Variants in TPTE observed in about 807,000 individuals in gnomAD.
TPTE encodes the protein transmembrane phosphatase with tensin homology, also known as putative tyrosine-protein phosphatase TPTE.
A neutral mutation model predicts 84.1 loss-of-function variants in TPTE; 59 were observed. The ratio of observed to expected loss-of-function variants is 0.70; its 90% CI spans 0.57 to 0.87. The LOEUF (loss-of-function observed/expected upper bound fraction) is 0.87. Ranked by LOEUF, TPTE falls within the 40% of genes least tolerant of loss-of-function variation. The probability of loss-of-function intolerance (pLI) is 0.00; values close to 1 mark genes in which losing one functional copy is unlikely to be tolerated. For missense variants in TPTE, 382 were observed against 659.6 expected, an observed-to-expected ratio of 0.58 and a Z score of 4.61; for synonymous variants, 130 against 223.5, an observed-to-expected ratio of 0.58 and a Z score of 3.73.
chr21:10,551,960 A>AGGTGAAGGAAG (rs2074583938), intron 7 of TPTE, among the ~76,000 whole-genome samples: 1 of 152,312 alleles, frequency 6.6e-6, no homozygotes, highest in Non-Finnish European at 1.5e-5. Flanking sequence ...TTCACCACTT[A>AGGTGAAGGAAG]ATCCTCACTT....
At chr21:10,546,826 G>T (rs1269681234) in intron 7 of TPTE, among the ~76,000 whole-genome samples, 1 of 152,312 alleles carries the variant, frequency 6.6e-6, no homozygotes, top group Non-Finnish European at 1.5e-5. Flanking sequence ...TAAAAGGTTT[G>T]TTCATGAGGT....
chr21:10,534,131 G>A (rs1387956289), intron 3 of TPTE, among the ~76,000 whole-genome samples: 4 of 152,310 alleles, frequency 2.6e-5, no homozygotes, highest in Non-Finnish European at 5.9e-5. Context: ...GCAGTTTGTT[G>A]CATAAGGACT....
At chr21:10,583,538 G>A (rs564331297) in intron 17 of TPTE, among the ~76,000 whole-genome samples, 46 of 152,314 alleles carry the variant, frequency 3.0e-4, no homozygotes, top group African/African-American at 1.1e-3. Context: ...TGCCTTTTCT[G>A]TCTCTCAGGA....
Position 10,599,189 on chromosome 21 carries a change from G to A in TPTE, c.1356+1095G>A, listed in dbSNP as rs371126543. Among the ~76,000 whole-genome samples the A allele has an allele frequency of 1.1e-3, 169 of 151,776 alleles. No homozygotes were observed. The East Asian group carries it at 0.034, about 30-fold the overall frequency. On this transcript the variant is annotated intron_variant, in intron 21 of 23. Coordinates refer to ENST00000618007, the MANE Select transcript of TPTE (RefSeq NM_199261.4). ...CATGCCTTGGGCTTTGATTCTCTTT[G>A]CCTCGGCCCCCTAAATCCAGTTAGT...
chr21:10,545,232 T>A (rs2074443883), intron 7 of TPTE, among the ~76,000 whole-genome samples: 1 of 147,876 alleles, frequency 6.8e-6, no homozygotes, highest in Non-Finnish European at 1.5e-5. Flanking sequence ...TATATTAAGA[T>A]TGGTAAAATT....
intron 10 of TPTE, among the ~76,000 whole-genome samples, chr21:10,565,256 A>G (rs557232777): frequency 2.1e-4 from 32 of 152,414 alleles, no homozygotes; most frequent in African/African-American, 5.0e-4. Flanking sequence ...CCTATATACA[A>G]TAGCCACAAA....
intron 17 of TPTE, among the ~76,000 whole-genome samples, chr21:10,582,722 G>T (rs548041108): frequency 6.6e-6 from 1 of 152,332 alleles, no homozygotes; most frequent in South Asian, 2.1e-4. Context: ...TTTTTATTGT[G>T]ATGAATTATG....
chr21:10,558,537 A>G (rs1359031182), intron 8 of TPTE, among the ~76,000 whole-genome samples: 1 of 152,238 alleles, frequency 6.6e-6, no homozygotes, highest in African/African-American at 2.4e-5. Context: ...TGTTGGCCAC[A>G]TGCATGTCTT....
chr21:10,561,870 C>T (rs1406858058), intron 10 of TPTE, among the ~76,000 whole-genome samples: 1 of 152,310 alleles, frequency 6.6e-6, no homozygotes, highest in Non-Finnish European at 1.5e-5. Flanking sequence ...ACTGTAGAGC[C>T]CCAGGGCCTT....
At chr21:10,552,029 G>C (rs1029816144) in intron 7 of TPTE, among the ~76,000 whole-genome samples, 1 of 152,302 alleles carries the variant, frequency 6.6e-6, no homozygotes, top group African/African-American at 2.4e-5. Context: ...TTAAGAAATT[G>C]TCTCAGCCAC....
At chr21:10,557,423 C>G (rs370998420) in intron 8 of TPTE, among the ~76,000 whole-genome samples, 396 of 152,282 alleles carry the variant, frequency 2.6e-3, no homozygotes, top group African/African-American at 9.0e-3. Context: ...GCCACCCAAG[C>G]CACTTCTTCA....
At chr21:10,545,916 CTG>C (rs2074458966) in intron 7 of TPTE, among the ~76,000 whole-genome samples, 2 of 151,838 alleles carry the variant, frequency 1.3e-5, no homozygotes, top group South Asian at 4.1e-4. Context: ...ATATGAGCAT[CTG>C]TGTATATATA....
chr21:10,594,345 T>C (rs1388087552), intron 19 of TPTE, among the ~76,000 whole-genome samples: 5 of 152,376 alleles, frequency 3.3e-5, no homozygotes, highest in Admixed American at 6.5e-5. Flanking sequence ...AGGGACTACG[T>C]CACTTTGCAT....
At chr21:10,539,454 G>A (rs112147410) in intron 4 of TPTE, among the ~76,000 whole-genome samples, 13 of 152,418 alleles carry the variant, frequency 8.5e-5, no homozygotes, top group African/African-American at 2.6e-4. Flanking sequence ...AGAGATCCAG[G>A]AAGTGGGCCA....
chr21:10,576,825 TTATACATATATACATATATATATA>T (rs2075161263), intron 14 of TPTE, among the ~76,000 whole-genome samples: 1 of 145,726 alleles, frequency 6.9e-6, no homozygotes. Flanking sequence ...ATTTTAAAGG[TTATACATATATACATATATATATA>T]TATATATATA....
intron 17 of TPTE, among the ~76,000 whole-genome samples, chr21:10,581,648 A>G (rs1437768624): frequency 1.6e-4 from 24 of 152,380 alleles, no homozygotes; most frequent in African/African-American, 1.9e-4. Context: ...CTGGATGCCA[A>G]TTTTTCTTAG....
At chr21:10,565,054 G>A (rs1377567560) in intron 10 of TPTE, among the ~76,000 whole-genome samples, 10 of 152,302 alleles carry the variant, frequency 6.6e-5, no homozygotes, top group Non-Finnish European at 1.2e-4. Context: ...AAATTGGGAT[G>A]GAAGAAGTAA....
intron 4 of TPTE, among the ~76,000 whole-genome samples, chr21:10,539,265 T>C (rs1373900209): frequency 2.0e-5 from 3 of 152,310 alleles, no homozygotes; most frequent in Non-Finnish European, 4.4e-5. Flanking sequence ...ACAGAGCTAA[T>C]GGAACATGGA....
chr21:10,531,516 T>C (rs2074178331), intron 3 of TPTE, among the ~76,000 whole-genome samples: 1 of 152,308 alleles, frequency 6.6e-6, no homozygotes, highest in African/African-American at 2.4e-5. Flanking sequence ...TCTTTATAAA[T>C]TACCCAGCCT....
Sources: allele counts gnomAD v4.1 joint callset (sites outside exome capture counted in the v4.1 genomes callset), GRCh38; gene constraint gnomAD v4.1.1; transcripts MANE v1.5; gene names NCBI Gene and HGNC (gene_info 2026-07-23, HGNC 2026-07-21).